The following MIA3 variants were observed in gnomAD, a reference collection of about 807,000 sequenced individuals.
The protein encoded by MIA3 is MIA SH3 domain ER export factor 3.
A neutral mutation model predicts 192.4 loss-of-function variants in MIA3; 90 were observed. The ratio of observed to expected loss-of-function variants is 0.47; its 90% CI spans 0.39 to 0.56. MIA3 has a LOEUF of 0.56. Ranked by LOEUF, MIA3 falls within the 20% of genes least tolerant of loss-of-function variation. MIA3 has a pLI of 0.00. For synonymous variants in MIA3, 740 were observed against 792.8 expected (o/e 0.93, Z 1.12); for missense variants, 2,123 against 2,269.4 (o/e 0.94, Z 1.31).
chr1:222,652,419 G>A lies in MIA3; in HGVS notation c.4086+87G>A, dbSNP rs2936019. The A allele has an allele frequency of 0.96, 860,840 of 897,506 alleles. 413,223 individuals carry two copies. The highest frequency in any genetic ancestry group is 0.98 in the Admixed American group (46,706 of 47,512). The allele number at this position is 897,506 out of a possible 1,614,324, so 55.6% of individuals were successfully genotyped here. The stretch of plus-strand genomic sequence containing the variant: ...ATGCCTTTACTCAGATCTATTTTTA[G>A]GGTAATATATGTGCAGGATTCTGTT... On this transcript the variant is annotated intron_variant, in intron 13 of 27. Coordinates refer to ENST00000344922, the MANE Select transcript of MIA3 (RefSeq NM_198551.4).
intron 6 of MIA3, among the ~76,000 whole-genome samples, chr1:222,639,765 T>C (rs1046402733): frequency 6.6e-6 from 1 of 152,174 alleles, no homozygotes; most frequent in Non-Finnish European, 1.5e-5. Context: ...TATGAAAGAC[T>C]TAAACATCAT....
At chr1:222,632,091 G>A in intron 4 of MIA3, 74 bp from the exon 5 acceptor site, 1 of 1,414,010 alleles carries the variant, frequency 7.1e-7, no homozygotes, top group East Asian at 2.3e-5. Flanking sequence ...AGGTGCCCTG[G>A]TGTGGTCAGT....
In MIA3 at chr1:222,633,237, TTTAAC is replaced by T; in HGVS notation, c.3467_3471del (p.Leu1156Ter). ...TTCTAATATATTCATTCATGTTTTATTTAACTAAGTCGGTAAGTTTAACATAGTTT... is the reference window on the plus strand; with the variant it reads ...TTCTAATATATTCATTCATGTTTTATTAAGTCGGTAAGTTTAACATAGTTT... On this transcript the variant is annotated frameshift_variant, in exon 6 of 28. Coordinates refer to ENST00000344922, the MANE Select transcript of MIA3 (RefSeq NM_198551.4). LOFTEE classifies it high-confidence loss of function. The T allele has an allele frequency of 1.2e-6, 2 of 1,604,482 alleles. No individual in the cohort carries two copies. The highest frequency in any genetic ancestry group is 1.7e-6 in the Non-Finnish European group (2 of 1,176,806).
intron 11 of MIA3, among the ~76,000 whole-genome samples, chr1:222,651,727 T>G (rs1166026553): frequency 6.6e-6 from 1 of 152,184 alleles, no homozygotes; most frequent in African/African-American, 2.4e-5. Flanking sequence ...TTTAGTCTGG[T>G]CATCTACCAC....
At chr1:222,650,480 T>A (rs1372234098) in intron 9 of MIA3, 100 bp downstream of exon 9, 1 of 817,194 alleles carries the variant, frequency 1.2e-6, no homozygotes, top group Non-Finnish European at 2.0e-6. Context: ...TAAATAGTAT[T>A]TATTATTACA....
chr1:222,620,100 CAGAG>C (rs1661789820), intron 1 of MIA3, among the ~76,000 whole-genome samples: 1 of 152,202 alleles, frequency 6.6e-6, no homozygotes, highest in Non-Finnish European at 1.5e-5. Flanking sequence ...GGAAAGTAAT[CAGAG>C]TTTAGCTTCA....
rs770229277 is a variant in MIA3 at position 222,665,509 on chromosome 1, C to A, written c.5614C>A (p.Pro1872Thr). 5.6e-6 allele frequency: 9 copies of A among 1,614,104 alleles called. No homozygotes were observed. The highest frequency in any genetic ancestry group is 8.5e-7 in the Non-Finnish European group (1 of 1,180,000). ...PPTHGPQEYPPPPAVRDLLPS... is the reference protein window; with the variant it reads ...PPTHGPQEYPTPPAVRDLLPS... The stretch of plus-strand genomic sequence containing the variant: ...AACCCATGGTCCCCAGGAATACCCA[C>A]CACCACCTGCTGTAAGAGACTTACT... Residue 1872 changes from proline to threonine, a missense_variant, in exon 28 of 28, where the codon CCA becomes ACA. Coordinates refer to ENST00000344922, the MANE Select transcript of MIA3 (RefSeq NM_198551.4).
At chr1:222,647,900 G>A (rs1367936261) in intron 7 of MIA3, 1 of 366,642 alleles carries the variant, frequency 2.7e-6, no homozygotes, top group Non-Finnish European at 5.7e-6. Flanking sequence ...TTAGATACTG[G>A]AATTATTATG....
intron 20 of MIA3, 29 bp from the exon 21 acceptor site, chr1:222,659,593 C>T (rs776385930): frequency 1.2e-6 from 2 of 1,612,402 alleles, no homozygotes. Flanking sequence ...AATCTGTATG[C>T]ATATTTTGTG....
chr1:222,636,996 C>A (rs1319079865), intron 6 of MIA3, among the ~76,000 whole-genome samples: 1 of 152,154 alleles, frequency 6.6e-6, no homozygotes, highest in Non-Finnish European at 1.5e-5. Flanking sequence ...CTATTTGTTT[C>A]TTTTCTCTCA....
rs145020381 is a variant in MIA3 at position 222,657,161 on chromosome 1, A to G, written c.4608-1561A>G. Among the ~76,000 whole-genome samples, 7 of 152,358 alleles carry G rather than the reference A, an allele frequency of 4.6e-5. No homozygotes were observed. The East Asian group carries it at 1.4e-3, about 29-fold the overall frequency. On this transcript the variant is annotated intron_variant, in intron 18 of 27. Transcript: ENST00000344922. ...ACATAAAAGATATGAGATTACCTCT[A>G]GCAGGTGGTCATTACTTTATTCCAG...
intron 1 of MIA3, among the ~76,000 whole-genome samples, chr1:222,619,386 TG>T (rs972161587): frequency 3.1e-4 from 47 of 152,338 alleles, no homozygotes; most frequent in Non-Finnish European, 5.4e-4. Flanking sequence ...AAGAACTCTA[TG>T]GTTTAGCTAT....
chr1:222,655,973 T>TTC (rs1663702881), intron 18 of MIA3, among the ~76,000 whole-genome samples: 4 of 138,342 alleles, frequency 2.9e-5, no homozygotes, highest in African/African-American at 1.1e-4. Flanking sequence ...CTTTTTTTTT[T>TTC]TTTTTTTTTT....
chr1:222,629,275 C>T lies in MIA3; in HGVS notation c.2055C>T (p.Asp685=). The change falls in exon 4 of 28, where the codon GAC becomes GAT. Residue 685 remains aspartate, a synonymous_variant. Transcript: ENST00000344922. ...IRLSEGEAKE[D]SLDEEFFHHK... ...TCTCTGAGGGAGAAGCCAAAGAGGA[C>T]TCCTTGGATGAAGAGTTTTTTCATC... 1 of 1,614,174 alleles carries T rather than the reference C, an allele frequency of 6.2e-7. No homozygotes were observed. Among genetic ancestry groups the T allele is most frequent in the Non-Finnish European group, 8.5e-7 (1 of 1,180,030 alleles).
At chr1:222,641,637 A>G (rs1391682011) in intron 6 of MIA3, 2 of 532,914 alleles carry the variant, frequency 3.8e-6, no homozygotes, top group East Asian at 1.0e-4. Context: ...GTTCCACATC[A>G]TGCAGCTTCT....
chr1:222,651,529 A>G (rs557210780), intron 11 of MIA3, among the ~76,000 whole-genome samples: 2 of 151,998 alleles, frequency 1.3e-5, no homozygotes, highest in African/African-American at 2.4e-5. Context: ...TGATCTGTCT[A>G]TTCTCACTCC....
chr1:222,645,740 A>G (rs1398437788), intron 7 of MIA3, 55 bp downstream of exon 7: 2 of 1,498,392 alleles, frequency 1.3e-6, no homozygotes, highest in East Asian at 4.6e-5. Flanking sequence ...TTTTATAATC[A>G]CAGTCCTTTT....
chr1:222,663,893 C>A (rs1419518539), intron 26 of MIA3, 105 bp from the exon 27 acceptor site: 9 of 1,088,974 alleles, frequency 8.3e-6, no homozygotes, highest in Non-Finnish European at 1.2e-5. Flanking sequence ...GCTCTTTGGA[C>A]AAGTGCCTGA....
In MIA3 at chr1:222,645,564, C is replaced by T. The variant is rs748650503; in HGVS notation, c.3488C>T (p.Thr1163Ile). The T allele has an allele frequency of 6.2e-7, 1 of 1,609,990 alleles. No homozygotes were observed. The highest frequency in any genetic ancestry group is 1.1e-5 in the South Asian group (1 of 90,452). The stretch of plus-strand genomic sequence containing the variant: ...ATTTCTAACATTCAGCTAGTTGCTA[C>T]ATTGCCTGATGATGTTCAGCCTGGG... ...MFYLTKSLVA[T>I]LPDDVQPGPD... is the part of the protein sequence containing the mutation. Residue 1163 changes from threonine (T) to isoleucine (I), a missense_variant, in exon 7 of 28, where the codon ACA (threonine) becomes ATA (isoleucine). By Grantham distance (89) the Thr-to-Ile change is moderately conservative (BLOSUM62 -1). Transcript: ENST00000344922.
Sources: allele counts gnomAD v4.1 joint callset (sites outside exome capture counted in the v4.1 genomes callset), GRCh38; gene constraint gnomAD v4.1.1; transcripts MANE v1.5; gene names NCBI Gene and HGNC (gene_info 2026-07-23, HGNC 2026-07-21).